The following PLEKHA5 variants were observed in gnomAD, a reference collection of about 807,000 sequenced individuals.
PLEKHA5 encodes pleckstrin homology domain containing A5.
A neutral mutation model predicts 181.9 loss-of-function variants in PLEKHA5; 55 were observed. The ratio of observed to expected loss-of-function variants is 0.30; its 90% CI spans 0.24 to 0.38. The LOEUF (loss-of-function observed/expected upper bound fraction) is 0.38. Ranked by LOEUF, PLEKHA5 falls within the 10% of genes least tolerant of loss-of-function variation. The probability of loss-of-function intolerance (pLI) is 1.00; values close to 1 mark genes in which losing one functional copy is unlikely to be tolerated. For missense variants in PLEKHA5, 1,432 were observed against 1,549.5 expected (o/e 0.92, Z 1.27); for synonymous variants, 535 against 529.4 (o/e 1.01, Z -0.15).
At chr12:19,212,522 A>G (rs540067334) in intron 3 of PLEKHA5, among the ~76,000 whole-genome samples, 79 of 152,232 alleles carry the variant, frequency 5.2e-4, no homozygotes, top group Admixed American at 1.4e-3. Context: ...CTCTGCTTAA[A>G]ATACAAAAAT....
At chr12:19,151,737 A>G (rs991199440) in intron 3 of PLEKHA5, 1 of 152,152 alleles carries the variant, frequency 6.6e-6, no homozygotes, top group Non-Finnish European at 1.5e-5. Flanking sequence ...ACTAAAGGAC[A>G]GTGATTTAAT....
chr12:19,134,075 C>T (rs754515466), intron 3 of PLEKHA5, among the ~76,000 whole-genome samples: 23 of 151,928 alleles, frequency 1.5e-4, no homozygotes, highest in Non-Finnish European at 2.9e-4. Context: ...AATTTCTTTG[C>T]GTGCATTCTT....
chr12:19,193,468 C>T (rs891163663), intron 3 of PLEKHA5, among the ~76,000 whole-genome samples: 2 of 152,018 alleles, frequency 1.3e-5, no homozygotes, highest in African/African-American at 2.4e-5. Flanking sequence ...TATACTTGGA[C>T]GTTTATTCTG....
At chr12:19,283,149 CA>C (rs34391812) in intron 11 of PLEKHA5, 130 bp from the exon 12 acceptor site, 12,219 of 199,460 alleles carry the variant, frequency 0.061, 2 homozygotes, top group East Asian at 0.13. Flanking sequence ...TCTTGTCTCC[CA>C]AAAAAAAAAA....
intron 10 of PLEKHA5, among the ~76,000 whole-genome samples, chr12:19,273,909 T>G (rs142879044): frequency 1.3e-5 from 2 of 152,226 alleles, no homozygotes; most frequent in African/African-American, 4.8e-5. Context: ...GCATAGGCAC[T>G]TTAAGTGTTC....
chr12:19,153,452 T>A lies in PLEKHA5; in HGVS notation c.227+21002T>A, dbSNP rs574415323. 3.0e-4 allele frequency: 46 copies of A among 152,306 alleles called. 1 individual carries two copies. Among genetic ancestry groups the A allele is most frequent in the Admixed American group, 2.1e-3 (32 of 15,302 alleles). The allele number at this position is 152,306 out of a possible 1,614,324, so 9.4% of individuals were successfully genotyped here. ...CCAAGTTAATAAAGTTTGTATTTTT[T>A]AGAGCACTTTTAGGTTCATGGCAAA... is the stretch of plus-strand genomic sequence containing the variant. On this transcript the variant is annotated intron_variant, in intron 3 of 31. Coordinates refer to ENST00000429027, the MANE Select transcript of PLEKHA5 (RefSeq NM_001256470.2).
intron 21 of PLEKHA5, among the ~76,000 whole-genome samples, chr12:19,337,515 C>CTCCA (rs1467758196): frequency 7.1e-6 from 1 of 141,350 alleles, no homozygotes; most frequent in Non-Finnish European, 1.5e-5. Flanking sequence ...CACCACTGTA[C>CTCCA]TCCAGCCTGA....
rs192218744 is a variant in PLEKHA5, at chr12:19,307,270, C to T, written c.2038-7544C>T. 2.5e-4 allele frequency: 109 copies of T among 437,342 alleles called. 1 individual carries two copies. The highest frequency in any genetic ancestry group is 2.1e-3 in the African/African-American group (104 of 48,906). 27.1% of individuals were successfully genotyped at this position (437,342 alleles called of 1,614,324 possible). Reference sequence around the variant, plus strand: ...GGTGGATCACTTGAGGTCAGGAGTTCGAGACCAACCTGACCAACATGGTGA... The same window carrying T: ...GGTGGATCACTTGAGGTCAGGAGTTTGAGACCAACCTGACCAACATGGTGA... On this transcript the variant is annotated intron_variant, in intron 15 of 31. Transcript: ENST00000429027.
intron 15 of PLEKHA5, among the ~76,000 whole-genome samples, chr12:19,295,618 T>C (rs1170935725): frequency 2.0e-5 from 3 of 152,192 alleles, no homozygotes; most frequent in Non-Finnish European, 4.4e-5. Flanking sequence ...TGAGCAATCA[T>C]TTTATGATTA....
At chr12:19,143,796 T>C (rs1363676404) in intron 3 of PLEKHA5, among the ~76,000 whole-genome samples, 1 of 152,216 alleles carries the variant, frequency 6.6e-6, no homozygotes, top group Non-Finnish European at 1.5e-5. Context: ...TATATCGTTA[T>C]ATATTTATTC....
chr12:19,278,827 G>A (rs2075315077), intron 11 of PLEKHA5, among the ~76,000 whole-genome samples: 2 of 152,244 alleles, frequency 1.3e-5, no homozygotes, highest in South Asian at 2.1e-4. Context: ...CGAAGGCATC[G>A]AATCGGATGG....
At chr12:19,263,721 C>T (rs1439134519) in intron 7 of PLEKHA5, among the ~76,000 whole-genome samples, 9 of 152,100 alleles carry the variant, frequency 5.9e-5, no homozygotes, top group African/African-American at 1.7e-4. Flanking sequence ...ATCTTCCCTA[C>T]GAAGCAAATT....
At chr12:19,367,410 C>A (rs1198875241) in intron 30 of PLEKHA5, among the ~76,000 whole-genome samples, 6 of 150,766 alleles carry the variant, frequency 4.0e-5, no homozygotes, top group Non-Finnish European at 8.8e-5. Context: ...TGCCCACCAC[C>A]ACGCCCAGCT....
chr12:19,325,837 A>T (rs1203189788), intron 20 of PLEKHA5, among the ~76,000 whole-genome samples: 2 of 148,854 alleles, frequency 1.3e-5, no homozygotes, highest in African/African-American at 5.0e-5. Flanking sequence ...GAGAAACCCC[A>T]CCTCTACTAA....
chr12:19,271,758 G>A (rs1039862327), intron 10 of PLEKHA5, among the ~76,000 whole-genome samples: 3 of 152,134 alleles, frequency 2.0e-5, no homozygotes, highest in Admixed American at 1.3e-4. Context: ...TTGGCAACCT[G>A]ATAGTTCACT....
At chr12:19,310,633 C>G (rs1480913990) in intron 15 of PLEKHA5, among the ~76,000 whole-genome samples, 3 of 135,786 alleles carry the variant, frequency 2.2e-5, no homozygotes, top group Non-Finnish European at 3.2e-5. Context: ...AAAAAGAATG[C>G]AGGCTAGGCA....
intron 3 of PLEKHA5, among the ~76,000 whole-genome samples, chr12:19,158,383 A>C (rs2042256557): frequency 1.3e-5 from 2 of 152,166 alleles, no homozygotes; most frequent in Admixed American, 1.3e-4. Flanking sequence ...ATAAACTTAG[A>C]TTTAAACTTA....
Position 19,283,633 on chromosome 12 carries a change from T to C in PLEKHA5, c.1667T>C (p.Ile556Thr). The C allele has an allele frequency of 6.2e-7, 1 of 1,614,120 alleles. No homozygotes were observed. Among genetic ancestry groups the C allele is most frequent in the Non-Finnish European group, 8.5e-7 (1 of 1,179,964 alleles). The change falls in exon 12 of 32, where the codon ATA becomes ACA. Residue 556 changes from isoleucine (I) to threonine (T), a missense_variant. Ile to Thr is a moderately conservative substitution (Grantham distance 89, BLOSUM62 -1). Around this residue, in one of 2 missense-constraint regions of PLEKHA5, gnomAD observed 1,143 missense variants for 1,168.4 expected, o/e 0.98. Coordinates refer to ENST00000429027, the MANE Select transcript of PLEKHA5 (RefSeq NM_001256470.2). ...SIPTSPSHGS[I>T]AAYQGYSPQR... is the part of the protein sequence containing the mutation. Reference sequence around the variant, plus strand: ...CCCACATCACCTTCCCACGGGTCAATAGCTGCTTATCAGGGATACTCCCCT... The same window carrying C: ...CCCACATCACCTTCCCACGGGTCAACAGCTGCTTATCAGGGATACTCCCCT...
At chr12:19,173,906 T>C (rs1042599397) in intron 3 of PLEKHA5, among the ~76,000 whole-genome samples, 17 of 151,974 alleles carry the variant, frequency 1.1e-4, no homozygotes, top group African/African-American at 3.9e-4. Context: ...AATTAGGAGG[T>C]TTTTACCTTT....
Sources: gnomAD v4.1 joint callset for allele counts (sites outside exome capture counted in the v4.1 genomes callset) on GRCh38, gnomAD v4.1.1 for gene constraint, gnomAD v4.1.1 regional missense constraint, MANE v1.5 for transcripts, NCBI Gene and HGNC (gene_info 2026-07-23, HGNC 2026-07-21) for gene names.